Variants in VAV3 observed in about 807,000 individuals in gnomAD.
VAV3 encodes vav guanine nucleotide exchange factor 3.
In VAV3, 94 loss-of-function variants were observed where a neutral mutation model predicts 131.2. The observed-to-expected ratio is 0.72, with a 90% confidence interval of 0.61 to 0.85. VAV3 has a LOEUF of 0.85. Ranked by LOEUF, VAV3 falls within the 40% of genes least tolerant of loss-of-function variation. The probability of loss-of-function intolerance (pLI) is 0.00; values close to 1 mark genes in which losing one functional copy is unlikely to be tolerated. For synonymous variants in VAV3, 349 were observed against 342.0 expected (o/e 1.02, Z -0.22); for missense variants, 939 against 1,002.7 (o/e 0.94, Z 0.86).
intron 21 of VAV3, among the ~76,000 whole-genome samples, 167 bp downstream of exon 21, chr1:107,617,400 A>G (rs1653239775): frequency 1.3e-5 from 2 of 152,276 alleles, no homozygotes; most frequent in South Asian, 4.1e-4. Context: ...ATTAAAAAAC[A>G]TATTCTGACA....
At chr1:107,858,765 C>T (rs1164785222) in intron 2 of VAV3, among the ~76,000 whole-genome samples, 1 of 152,198 alleles carries the variant, frequency 6.6e-6, no homozygotes, top group East Asian at 1.9e-4. Context: ...GGGACTGATG[C>T]TCTAGATGAG....
chr1:107,809,154 G>C (rs1302107993), intron 2 of VAV3, among the ~76,000 whole-genome samples: 1 of 152,016 alleles, frequency 6.6e-6, no homozygotes, highest in African/African-American at 2.4e-5. Flanking sequence ...TGTTATTCTT[G>C]GCAACTGAAA....
intron 19 of VAV3, among the ~76,000 whole-genome samples, chr1:107,663,698 C>T (rs965382570): frequency 3.3e-5 from 5 of 152,152 alleles, no homozygotes; most frequent in African/African-American, 1.2e-4. Flanking sequence ...CCTTGACTTT[C>T]GGTACCAGCA....
chr1:107,784,508 G>T (rs889736766), intron 2 of VAV3, among the ~76,000 whole-genome samples: 2 of 152,102 alleles, frequency 1.3e-5, no homozygotes, highest in African/African-American at 4.8e-5. Context: ...GGATGACTAG[G>T]ACAAAAGGCA....
At chr1:107,840,409 A>G (rs1210169692) in intron 2 of VAV3, among the ~76,000 whole-genome samples, 1 of 152,224 alleles carries the variant, frequency 6.6e-6, no homozygotes, top group Non-Finnish European at 1.5e-5. Context: ...GGAATAGGTT[A>G]TCAAAGGATG....
chr1:107,607,640 A>G (rs1329268137), intron 22 of VAV3, among the ~76,000 whole-genome samples: 1 of 152,126 alleles, frequency 6.6e-6, no homozygotes, highest in African/African-American at 2.4e-5. Flanking sequence ...AAAGGCAGGG[A>G]CCCTGACATC....
chr1:107,841,025 G>A (rs975557435), intron 2 of VAV3, among the ~76,000 whole-genome samples: 1 of 152,202 alleles, frequency 6.6e-6, no homozygotes, highest in African/African-American at 2.4e-5. Flanking sequence ...TAGAAGAACT[G>A]AGGTTTAAGC....
At chr1:107,934,185 T>C (rs345302) in intron 1 of VAV3, among the ~76,000 whole-genome samples, 90,643 of 152,096 alleles carry the variant, frequency 0.6, 29,301 homozygotes, top group Middle Eastern at 0.76. Context: ...AATAATTATA[T>C]CCTTTAGAAT....
intron 2 of VAV3, among the ~76,000 whole-genome samples, chr1:107,792,563 T>C (rs1003554267): frequency 6.6e-6 from 1 of 152,194 alleles, no homozygotes; most frequent in African/African-American, 2.4e-5. Flanking sequence ...CATTACATAA[T>C]AGTGTTAATT....
intron 2 of VAV3, among the ~76,000 whole-genome samples, chr1:107,846,785 A>G (rs1286328099): frequency 1.3e-5 from 2 of 152,194 alleles, no homozygotes; most frequent in Admixed American, 6.5e-5. Flanking sequence ...GTCCTTAGAG[A>G]CCTACAGAGA....
At chr1:107,869,959 T>G (rs917199863) in intron 2 of VAV3, among the ~76,000 whole-genome samples, 4 of 152,214 alleles carry the variant, frequency 2.6e-5, no homozygotes, top group Non-Finnish European at 5.9e-5. Flanking sequence ...TCCAGGTTGC[T>G]GCAAATGCCA....
intron 22 of VAV3, among the ~76,000 whole-genome samples, chr1:107,604,730 T>C (rs974744659): frequency 1.3e-5 from 2 of 152,200 alleles, no homozygotes; most frequent in Admixed American, 1.3e-4. Context: ...TTGTGGCACT[T>C]ATCACAATTA....
At chr1:107,937,781 T>C (rs184788517) in intron 1 of VAV3, among the ~76,000 whole-genome samples, 1 of 152,182 alleles carries the variant, frequency 6.6e-6, no homozygotes, top group Non-Finnish European at 1.5e-5. Context: ...TAGTCCCAAT[T>C]ATTAACACAA....
At chr1:107,781,926 G>C (rs1184805975) in intron 2 of VAV3, among the ~76,000 whole-genome samples, 1 of 152,082 alleles carries the variant, frequency 6.6e-6, no homozygotes, top group East Asian at 1.9e-4. Context: ...AATAAAAATA[G>C]TCACTTGCTA....
At chr1:107,855,387 C>A (rs2100969042) in intron 2 of VAV3, among the ~76,000 whole-genome samples, 2 of 152,234 alleles carry the variant, frequency 1.3e-5, no homozygotes, top group Middle Eastern at 3.4e-3. Context: ...AGCGATCCTC[C>A]CACCTCAGCC....
intron 2 of VAV3, among the ~76,000 whole-genome samples, chr1:107,828,290 C>T (rs922912516): frequency 7.2e-5 from 11 of 152,092 alleles, no homozygotes; most frequent in Admixed American, 3.9e-4. Flanking sequence ...ATATAAAGGG[C>T]ACTTACCACC....
chr1:107,848,702 C>A (rs1435008377), intron 2 of VAV3, among the ~76,000 whole-genome samples: 2 of 151,924 alleles, frequency 1.3e-5, no homozygotes, highest in African/African-American at 4.8e-5. Context: ...CTATTCAAAG[C>A]AATATTGGAA....
chr1:107,898,832 G>A (rs971453446), intron 1 of VAV3, among the ~76,000 whole-genome samples: 4 of 152,028 alleles, frequency 2.6e-5, no homozygotes, highest in African/African-American at 9.7e-5. Flanking sequence ...ACTATTCTAA[G>A]CAATGTAGTT....
intron 2 of VAV3, among the ~76,000 whole-genome samples, chr1:107,816,845 A>T (rs1012153357): frequency 6.6e-6 from 1 of 152,238 alleles, no homozygotes; most frequent in Non-Finnish European, 1.5e-5. Flanking sequence ...AGGTTCAGGG[A>T]TGGTCCCCAA....
Sources: gnomAD v4.1 joint callset for allele counts (sites outside exome capture counted in the v4.1 genomes callset) on GRCh38, gnomAD v4.1.1 for gene constraint, MANE v1.5 for transcripts, NCBI Gene and HGNC (gene_info 2026-07-23, HGNC 2026-07-21) for gene names.